SCAF11: variants seen among roughly 807,000 people sequenced by gnomAD.
SCAF11 encodes SR-related CTD associated factor 11.
Under a neutral mutation model 140.5 loss-of-function variants are expected in SCAF11, and 47 were observed. The observed-to-expected ratio is 0.33, with a 90% CI of 0.26 to 0.43. SCAF11 has a LOEUF of 0.43. Among genes scored for constraint, SCAF11 ranks in the 20% least tolerant of loss-of-function variants. The probability of loss-of-function intolerance (pLI) is 1.00; values close to 1 mark genes in which losing one functional copy is unlikely to be tolerated. For synonymous variants in SCAF11, 557 were observed against 579.4 expected (o/e 0.96, Z 0.55); for missense variants, 1,645 against 1,705.1 (o/e 0.96, Z 0.62).
Position 45,921,162 on chromosome 12 carries a change from T to C in SCAF11, c.*886A>G, listed in dbSNP as rs1944701570. Reference sequence around the variant, plus strand: ...CACGCCTGGCTAATTTTTGTATTTTTAGTAGAGACGGGATTTCACCATGTT... The same window carrying C: ...CACGCCTGGCTAATTTTTGTATTTTCAGTAGAGACGGGATTTCACCATGTT... On this transcript the variant is annotated 3_prime_UTR_variant, in exon 15 of 15. Coordinates refer to ENST00000369367, the MANE Select transcript of SCAF11 (RefSeq NM_004719.3). The C allele has an allele frequency of 6.6e-6, 1 of 152,312 alleles. No individual in the cohort carries two copies. The highest frequency in any genetic ancestry group is 2.1e-4 in the South Asian group (1 of 4,826). 9.4% of individuals were successfully genotyped at this position (152,312 alleles called of 1,614,324 possible). A position where few individuals can be genotyped will look rare whatever the true frequency, so the allele number is the denominator to read the frequency against.
At chr12:45,963,046 G>T (rs922637509) in intron 2 of SCAF11, among the ~76,000 whole-genome samples, 2 of 152,134 alleles carry the variant, frequency 1.3e-5, no homozygotes, top group Non-Finnish European at 1.5e-5. Context: ...AAAAATACTT[G>T]TGAATTGGAA....
Position 45,961,803 on chromosome 12 carries a change from T to C in SCAF11, c.116A>G (p.Asp39Gly). 6.2e-7 allele frequency: 1 copy of C among 1,613,278 alleles called. No homozygotes were observed. Among genetic ancestry groups the C allele is most frequent in the Non-Finnish European group, 8.5e-7 (1 of 1,179,458 alleles). The change falls in exon 3 of 15, where the codon GAC (aspartate) becomes GGC (glycine). Residue 39 changes from aspartate to glycine, a missense_variant. Coordinates refer to ENST00000369367, the MANE Select transcript of SCAF11 (RefSeq NM_004719.3). The stretch of plus-strand genomic sequence containing the variant: ...ACAATTAAGACATATTGGGCATCTG[T>C]CAGCCTCACTGTACAACAGACCAGT... ...ISTGLLYSEA[D>G]RCPICLNCLL...
intron 1 of SCAF11, among the ~76,000 whole-genome samples, chr12:45,983,332 A>AG (rs1946386693): frequency 6.6e-6 from 1 of 152,206 alleles, no homozygotes; most frequent in African/African-American, 2.4e-5. Context: ...AAGCTCCCCT[A>AG]GGGCACAGAC....
intron 3 of SCAF11, chr12:45,960,866 G>C (rs1157764956): frequency 6.5e-6 from 1 of 152,760 alleles, no homozygotes; most frequent in Non-Finnish European, 1.5e-5. Flanking sequence ...TGCAGCTAAT[G>C]TTAAAATATT....
At chr12:45,966,813 C>T (rs1226942424) in intron 1 of SCAF11, among the ~76,000 whole-genome samples, 1 of 152,072 alleles carries the variant, frequency 6.6e-6, no homozygotes, top group Non-Finnish European at 1.5e-5. Flanking sequence ...TATTGCACTG[C>T]TGTATATTAT....
chr12:45,936,778 T>C (rs1170717036), intron 6 of SCAF11, among the ~76,000 whole-genome samples: 1 of 152,214 alleles, frequency 6.6e-6, no homozygotes, highest in East Asian at 1.9e-4. Flanking sequence ...TGTTCTTCCA[T>C]TTACTATCTC....
At chr12:45,945,228 C>A in intron 6 of SCAF11, 21 bp downstream of exon 6, 2 of 1,474,876 alleles carry the variant, frequency 1.4e-6, no homozygotes, top group South Asian at 1.2e-5. Flanking sequence ...AGGTAGAATC[C>A]ACAAGCAAAA....
At chr12:45,982,014 C>T (rs1295645969) in intron 1 of SCAF11, among the ~76,000 whole-genome samples, 1 of 152,010 alleles carries the variant, frequency 6.6e-6, no homozygotes, top group Non-Finnish European at 1.5e-5. Flanking sequence ...CAATAATAAA[C>T]GATGGTTGGA....
Position 45,951,706 on chromosome 12 carries a change from C to A in SCAF11, c.241G>T (p.Asp81Tyr). Residue 81 changes from aspartate to tyrosine, a missense_variant, in exon 4 of 15, where the codon GAC becomes TAC. Physicochemically the swap from Asp to Tyr is radical, Grantham distance 160 (BLOSUM62 -3). This residue lies in a region of SCAF11 where 1,582 missense variants were observed against 1,609.2 expected (regional missense o/e 0.98). Transcript: ENST00000369367. The stretch of plus-strand genomic sequence containing the variant: ...AACACTGCCTGAAAAGGTTTACGGT[C>A]AATAGGACATGAAGCCAGTGTCTGA... Reference protein sequence around the residue: ...WAETLASCPIDRKPFQAVFKF... With the variant: ...WAETLASCPIYRKPFQAVFKF... The A allele has an allele frequency of 6.3e-7, 1 of 1,589,722 alleles. No homozygotes were observed. The highest frequency in any genetic ancestry group is 1.2e-5 in the South Asian group (1 of 86,550).
intron 1 of SCAF11, chr12:45,975,137 T>C (rs1592221298): frequency 6.6e-6 from 1 of 152,244 alleles, no homozygotes; most frequent in Admixed American, 6.5e-5. Context: ...TGTAAACGGA[T>C]GTGCTGTCAT....
At position 45,927,626 on chromosome 12, in the gene SCAF11, G is replaced by C; in HGVS notation, c.2075C>G (p.Pro692Arg). Residue 692 changes from proline (P) to arginine (R), a missense_variant, in exon 11 of 15, where the codon CCT becomes CGT. Around this residue, in one of 2 missense-constraint regions of SCAF11, gnomAD observed 1,582 missense variants for 1,609.2 expected, o/e 0.98. Transcript: ENST00000369367. ...EEKNESLTEHPRSTELPKTHI... is the reference protein window; with the variant it reads ...EEKNESLTEHRRSTELPKTHI... ...TGTTTTAGGCAACTCTGTAGATCTA[G>C]GATGTTCGGTCAGCGATTCATTCTT... 6.2e-7 allele frequency: 1 copy of C among 1,612,614 alleles called. No individual in the cohort carries two copies. The highest frequency in any genetic ancestry group is 8.5e-7 in the Non-Finnish European group (1 of 1,179,976).
At position 45,951,715 on chromosome 12, in the gene SCAF11, A is replaced by T; in HGVS notation, c.232T>A (p.Cys78Ser). The T allele has an allele frequency of 6.3e-7, 1 of 1,585,580 alleles. No homozygotes were observed. Among genetic ancestry groups the T allele is most frequent in the Non-Finnish European group, 8.6e-7 (1 of 1,161,702 alleles). ...TGAAAAGGTTTACGGTCAATAGGACATGAAGCCAGTGTCTGAAAAGTGATT... is the reference window on the plus strand; with the variant it reads ...TGAAAAGGTTTACGGTCAATAGGACTTGAAGCCAGTGTCTGAAAAGTGATT... ...ILKWAETLAS[C>S]PIDRKPFQAV... Residue 78 changes from cysteine (C) to serine (S), a missense_variant, in exon 4 of 15, where the codon TGT (cysteine) becomes AGT (serine). Cys to Ser is a moderately radical substitution (Grantham distance 112). Coordinates refer to ENST00000369367, the MANE Select transcript of SCAF11 (RefSeq NM_004719.3).
At chr12:45,980,707 C>T (rs1476058935) in intron 1 of SCAF11, among the ~76,000 whole-genome samples, 1 of 152,114 alleles carries the variant, frequency 6.6e-6, no homozygotes, top group Non-Finnish European at 1.5e-5. Context: ...TTATCTGAGT[C>T]CAGTGGTAAT....
At chr12:45,926,113 G>T (rs1944850260) in intron 11 of SCAF11, 29 bp downstream of exon 11, 4 of 1,539,250 alleles carry the variant, frequency 2.6e-6, no homozygotes, top group Non-Finnish European at 3.5e-6. Flanking sequence ...AAATAAAACA[G>T]TATCAATAAA....
In SCAF11 at chr12:45,976,136, A is replaced by G. The variant is rs1176354064; in HGVS notation, c.-21-11948T>C. ...ACATTTAACACAAGATAACTGCAAC[A>G]TAAAGGGGGAAAGGTAAAGGGACAT... is the stretch of plus-strand genomic sequence containing the variant. On this transcript the variant is annotated intron_variant, in intron 1 of 14. Transcript: ENST00000369367. Among the ~76,000 whole-genome samples, 8 of 152,290 alleles carry G rather than the reference A, an allele frequency of 5.3e-5. No individual in the cohort carries two copies. In the South Asian group the frequency reaches 1.7e-3, roughly 32 times the overall value.
intron 3 of SCAF11, chr12:45,956,316 G>T (rs1945691971): frequency 1.6e-6 from 1 of 607,768 alleles, no homozygotes; most frequent in South Asian, 2.0e-5. Context: ...TAACAAAATA[G>T]AGCATGTTAT....
At chr12:45,934,307 A>G (rs1230792346) in intron 7 of SCAF11, 22 bp from the exon 8 acceptor site, 1 of 1,505,438 alleles carries the variant, frequency 6.6e-7, no homozygotes, top group East Asian at 2.3e-5. Context: ...AAAAGTAGTT[A>G]GTGAAACAGC....
intron 1 of SCAF11, among the ~76,000 whole-genome samples, chr12:45,964,425 T>C (rs537847936): frequency 6.6e-6 from 1 of 152,250 alleles, no homozygotes; most frequent in South Asian, 2.1e-4. Flanking sequence ...CCCAGCACTT[T>C]GGGAGGCCGA....
intron 1 of SCAF11, among the ~76,000 whole-genome samples, chr12:45,979,458 T>C (rs1946303901): frequency 6.6e-6 from 1 of 152,132 alleles, no homozygotes; most frequent in Admixed American, 6.5e-5. Flanking sequence ...CCCGTTCTGT[T>C]TAAACAAGAT....
Sources: gnomAD v4.1 joint callset for allele counts (sites outside exome capture counted in the v4.1 genomes callset) on GRCh38, gnomAD v4.1.1 for gene constraint, gnomAD v4.1.1 regional missense constraint, MANE v1.5 for transcripts, NCBI Gene and HGNC (gene_info 2026-07-23, HGNC 2026-07-21) for gene names.